Variants in RUBCN observed in about 807,000 individuals in gnomAD.
The protein encoded by RUBCN is rubicon autophagy regulator.
Under a neutral mutation model 113.2 loss-of-function variants are expected in RUBCN, and 74 were observed. That is an observed-to-expected ratio of 0.65 (90% CI 0.54 to 0.79). The LOEUF is 0.79. RUBCN is among the 30% of genes least tolerant of loss of function. The pLI is 0.00. For synonymous variants in RUBCN, 480 were observed against 490.0 expected (o/e 0.98, Z 0.27); for missense variants, 1,109 against 1,251.7 (o/e 0.89, Z 1.72).
chr3:197,739,044 G>A (rs985688129), upstream of RUBCN, among the ~76,000 whole-genome samples: 3 of 151,324 alleles, frequency 2.0e-5, no homozygotes, highest in Admixed American at 1.3e-4. Flanking sequence ...GGGTTCAAGC[G>A]ATTCTCCTGC....
At chr3:197,749,399 A>G (rs1382122901) in exon 1 of RUBCN, 1 of 1,194,324 alleles carries the variant, frequency 8.4e-7, no homozygotes, top group Non-Finnish European at 1.1e-6. Context: ...TGACGCAGGA[A>G]CCGTCACTGC....
intron 13 of RUBCN, among the ~76,000 whole-genome samples, chr3:197,682,963 C>A (rs1345985496): frequency 6.6e-6 from 1 of 152,178 alleles, no homozygotes; most frequent in Non-Finnish European, 1.5e-5. Flanking sequence ...ATCCCAGGAC[C>A]CTTGCTGTGC....
intron 1 of RUBCN, among the ~76,000 whole-genome samples, chr3:197,725,790 C>T (rs996983111): frequency 1.3e-5 from 2 of 152,114 alleles, no homozygotes; most frequent in African/African-American, 4.8e-5. Flanking sequence ...ATTTAACATA[C>T]GGATGAAAAA....
At chr3:197,713,124 G>A (rs543591754) in intron 2 of RUBCN, among the ~76,000 whole-genome samples, 4 of 152,296 alleles carry the variant, frequency 2.6e-5, no homozygotes, top group South Asian at 4.1e-4. Context: ...CTCCCAAAGC[G>A]CTGGGATTAC....
rs186702981 is a variant in RUBCN at position 197,717,891 on chromosome 3, T to C, written c.219+86A>G. 1,738 of 1,459,848 alleles carry C rather than the reference T, an allele frequency of 1.2e-3. 7 individuals carry two copies. Among genetic ancestry groups the C allele is most frequent in the Non-Finnish European group, 1.5e-3 (1,598 of 1,042,722 alleles). 90.4% of individuals were successfully genotyped at this position (1,459,848 alleles called of 1,614,324 possible). Reference sequence around the variant, plus strand: ...CTGCTCTCAGGAGTCCACAGACCAGTGGCCTTCATCTCCTCCCTGCCAATG... The same window carrying C: ...CTGCTCTCAGGAGTCCACAGACCAGCGGCCTTCATCTCCTCCCTGCCAATG... On this transcript the variant is annotated intron_variant, in intron 2 of 19. Coordinates refer to ENST00000296343, the MANE Select transcript of RUBCN (RefSeq NM_014687.4).
At chr3:197,703,728 G>A in intron 4 of RUBCN, 74 bp from the exon 5 acceptor site, 1 of 905,710 alleles carries the variant, frequency 1.1e-6, no homozygotes, top group East Asian at 2.5e-5. Context: ...GAAGCAGAAA[G>A]GGAGAGGTAA....
chr3:197,729,081 G>A (rs1358863279), intron 1 of RUBCN, among the ~76,000 whole-genome samples: 2 of 150,426 alleles, frequency 1.3e-5, no homozygotes, highest in African/African-American at 4.9e-5. Flanking sequence ...GGGAGGCGGA[G>A]CTTGCAGTGA....
chr3:197,740,712 C>A (rs1294298885), upstream of RUBCN, among the ~76,000 whole-genome samples: 3 of 151,700 alleles, frequency 2.0e-5, no homozygotes, highest in Non-Finnish European at 4.4e-5. Context: ...CCTGTGCCTC[C>A]TGGGTTCAAG....
rs545413367 is a variant in RUBCN at position 197,733,056 on chromosome 3, G to A, written c.65+3599C>T. Reference sequence around the variant, plus strand: ...AGGTTACGTAAAGTAACTTGATCAAGTTAAGCCAAATTAATCCGTGAACTA... The same window carrying A: ...AGGTTACGTAAAGTAACTTGATCAAATTAAGCCAAATTAATCCGTGAACTA... On this transcript the variant is annotated intron_variant, in intron 1 of 19. Coordinates refer to ENST00000296343, the MANE Select transcript of RUBCN (RefSeq NM_014687.4). Among the ~76,000 whole-genome samples, 6 of 152,344 alleles carry A rather than the reference G, an allele frequency of 3.9e-5. No homozygotes were observed. In the East Asian group the frequency reaches 9.6e-4, roughly 24 times the overall value.
chr3:197,673,500 G>A lies in RUBCN; in HGVS notation c.*1518C>T, dbSNP rs1719989378. 2.0e-5 allele frequency: 3 copies of A among 152,364 alleles called. No individual in the cohort carries two copies. In the South Asian group the frequency reaches 6.2e-4, roughly 32 times the overall value. 9.4% of individuals were successfully genotyped at this position (152,364 alleles called of 1,614,324 possible). ...TGCCCATGGGCAGAATTCAATCCCA[G>A]AACAAAAATGATGCAGGCTTTAGTT... On this transcript the variant is annotated 3_prime_UTR_variant, in exon 20 of 20. Transcript: ENST00000296343.
At chr3:197,696,874 C>T (rs549763885) in intron 8 of RUBCN, 80 bp downstream of exon 8, 17 of 810,452 alleles carry the variant, frequency 2.1e-5, no homozygotes, top group Non-Finnish European at 3.5e-5. Flanking sequence ...TGAGATGAAC[C>T]CCAAAACTCA....
At chr3:197,719,014 T>C (rs1261370343) in intron 1 of RUBCN, among the ~76,000 whole-genome samples, 1 of 152,206 alleles carries the variant, frequency 6.6e-6, no homozygotes, top group African/African-American at 2.4e-5. Flanking sequence ...ATCCTATGCC[T>C]CTTCCTCAGA....
At chr3:197,699,134 G>C in intron 7 of RUBCN, 1 of 1,330,390 alleles carries the variant, frequency 7.5e-7, no homozygotes. Context: ...TCTGAACTAA[G>C]AAAGGTGGTC....
In RUBCN at chr3:197,695,935, T is replaced by C. The variant is rs371658673; in HGVS notation, c.1404A>G (p.Pro468=). 2.8e-5 allele frequency: 46 copies of C among 1,614,098 alleles called. 1 individual carries two copies. In the African/African-American group the frequency reaches 6.0e-4, roughly 21 times the overall value. The change falls in exon 9 of 20, where the codon CCA becomes CCG. Residue 468 remains proline (P), a synonymous_variant. Coordinates refer to ENST00000296343, the MANE Select transcript of RUBCN (RefSeq NM_014687.4). ...LCSGEGMFRR[P]SEGQSLISYL... is the part of the protein sequence containing the mutation. The stretch of plus-strand genomic sequence containing the variant: ...AGCTGATGAGGGACTGTCCTTCTGA[T>C]GGTCTTCGGAACATGCCTTCCCCTG...
rs1211153835 is a variant in RUBCN, at chr3:197,698,599, C to A, written c.1262-1550G>T. On this transcript the variant is annotated intron_variant, in intron 7 of 19. Coordinates refer to ENST00000296343, the MANE Select transcript of RUBCN (RefSeq NM_014687.4). ...AACAAAAAAACAAAAAACAAAAAAA[C>A]CAAACATGCAAGTATATCTAAGACC... 3.3e-5 allele frequency among the ~76,000 whole-genome samples: 5 copies of A among 151,710 alleles called. No individual in the cohort carries two copies. In the South Asian group the frequency reaches 1.0e-3, roughly 32 times the overall value.
In RUBCN at chr3:197,671,548, G is replaced by A. The variant is rs1341290137; in HGVS notation, c.*3470C>T. 1 of 152,224 alleles carries A rather than the reference G, an allele frequency of 6.6e-6. No homozygotes were observed. Among genetic ancestry groups the A allele is most frequent in the East Asian group, 1.9e-4 (1 of 5,206 alleles). The allele number at this position is 152,224 out of a possible 1,614,324, so 9.4% of individuals were successfully genotyped here. A position where few individuals can be genotyped will look rare whatever the true frequency, so the allele number is the denominator to read the frequency against. On this transcript the variant is annotated 3_prime_UTR_variant, in exon 20 of 20. Coordinates refer to ENST00000296343, the MANE Select transcript of RUBCN (RefSeq NM_014687.4). ...AGACAATTAATTTTCAAACCTGGGT[G>A]ACTAATGGTTAGGTTTTTGGAAATA...
intron 11 of RUBCN, chr3:197,691,119 T>A: frequency 7.8e-7 from 1 of 1,289,480 alleles, no homozygotes; most frequent in East Asian, 5.5e-5. Flanking sequence ...TTCTTTGATA[T>A]GTGAGTCAGG....
chr3:197,675,055 G>A lies in RUBCN; in HGVS notation c.2882C>T (p.Ala961Val), dbSNP rs368224035. 2.5e-5 allele frequency: 40 copies of A among 1,612,916 alleles called. No homozygotes were observed. Among genetic ancestry groups the A allele is most frequent in the Non-Finnish European group, 3.0e-5 (35 of 1,179,910 alleles). ...CAGGACGGCGGCTTCCAGGGCCAGC[G>A]CTTCCGCGGGCTCCTCCTCGTAGTC... ...LSDYEEEPAEALALEAAVLEA... is the reference protein window; with the variant it reads ...LSDYEEEPAEVLALEAAVLEA... The change falls in exon 20 of 20, where the codon GCG becomes GTG. Residue 961 changes from alanine (A) to valine (V), a missense_variant. Coordinates refer to ENST00000296343, the MANE Select transcript of RUBCN (RefSeq NM_014687.4). This position sits in a 1 kb window ranked among gnomAD's most constrained non-coding sequence, Gnocchi z 4.4.
chr3:197,684,246 G>A (rs535405299), intron 11 of RUBCN, 29 bp from the exon 12 acceptor site: 26 of 1,590,902 alleles, frequency 1.6e-5, no homozygotes, highest in South Asian at 9.9e-5. Flanking sequence ...TAAGGGGAGC[G>A]CAATGGAAAC....
Sources: gnomAD v4.1 joint callset for allele counts (sites outside exome capture counted in the v4.1 genomes callset) on GRCh38, gnomAD v4.1.1 for gene constraint, Gnocchi (gnomAD v3.1) non-coding constraint, MANE v1.5 for transcripts, NCBI Gene and HGNC (gene_info 2026-07-23, HGNC 2026-07-21) for gene names.